Variants in NKAIN2 observed in about 807,000 individuals in gnomAD.
NKAIN2 encodes sodium/potassium-transporting ATPase subunit beta-1-interacting protein 2.
In NKAIN2, 14 loss-of-function variants were observed where a neutral mutation model predicts 32.6. That is an observed-to-expected ratio of 0.43 (90% confidence interval 0.28 to 0.67). The LOEUF is 0.67. Among genes scored for constraint, NKAIN2 ranks in the 30% least tolerant of loss-of-function variants. The pLI is 0.17. For missense variants in NKAIN2, 198 were observed against 258.3 expected (o/e 0.77, Z 1.60); for synonymous variants, 80 against 87.2 (o/e 0.92, Z 0.46).
At chr6:124,251,997 C>A (rs1793708702) in intron 1 of NKAIN2, among the ~76,000 whole-genome samples, 1 of 151,916 alleles carries the variant, frequency 6.6e-6, no homozygotes, top group South Asian at 2.1e-4. Context: ...CTATATATTA[C>A]ATGTATTGAA....
intron 1 of NKAIN2, among the ~76,000 whole-genome samples, chr6:123,974,212 G>A (rs969852083): frequency 3.3e-5 from 5 of 152,152 alleles, no homozygotes; most frequent in African/African-American, 1.2e-4. Context: ...ATAGCCACCT[G>A]AGGTGTGTGC....
At chr6:124,702,408 G>A (rs933974588) in intron 4 of NKAIN2, among the ~76,000 whole-genome samples, 2 of 152,082 alleles carry the variant, frequency 1.3e-5, no homozygotes, top group Non-Finnish European at 2.9e-5. Flanking sequence ...TGATGAGTAA[G>A]CATTGTGAAT....
chr6:124,188,904 C>A (rs1789879605), intron 1 of NKAIN2, among the ~76,000 whole-genome samples: 1 of 152,096 alleles, frequency 6.6e-6, no homozygotes, highest in African/African-American at 2.4e-5. Flanking sequence ...ATTCTGATTC[C>A]TCCCATAACA....
chr6:124,019,729 CTT>C (rs1400975429), intron 1 of NKAIN2, among the ~76,000 whole-genome samples: 4 of 151,906 alleles, frequency 2.6e-5, no homozygotes, highest in African/African-American at 9.7e-5. Context: ...ATTATGGAAA[CTT>C]ATTTGTTTTT....
chr6:124,166,344 G>A (rs1285459672), intron 1 of NKAIN2, among the ~76,000 whole-genome samples: 49 of 152,130 alleles, frequency 3.2e-4, no homozygotes, highest in Non-Finnish European at 6.6e-4. Flanking sequence ...CATTTCCTTC[G>A]CCCACTTGTT....
At chr6:123,864,232 C>G (rs879270038) in intron 1 of NKAIN2, among the ~76,000 whole-genome samples, 1 of 152,154 alleles carries the variant, frequency 6.6e-6, no homozygotes, top group Non-Finnish European at 1.5e-5. Context: ...GAAATTGATT[C>G]TAGTGTTGTG....
intron 3 of NKAIN2, among the ~76,000 whole-genome samples, chr6:124,493,799 C>A (rs1158432013): frequency 1.3e-5 from 2 of 150,630 alleles, no homozygotes; most frequent in Non-Finnish European, 3.0e-5. Flanking sequence ...TGACACTGGC[C>A]ACTCATCTTC....
chr6:124,485,725 T>G (rs1015542187), intron 3 of NKAIN2, among the ~76,000 whole-genome samples: 1 of 152,128 alleles, frequency 6.6e-6, no homozygotes, highest in Non-Finnish European at 1.5e-5. Context: ...AATAAAGCTC[T>G]ACCAGTGTGC....
At chr6:124,318,095 T>C (rs1459141907) in intron 2 of NKAIN2, among the ~76,000 whole-genome samples, 1 of 152,082 alleles carries the variant, frequency 6.6e-6, no homozygotes, top group African/African-American at 2.4e-5. Context: ...CCATGTCTTC[T>C]GCTAAAGCCT....
chr6:124,269,111 T>A (rs1302051151), intron 1 of NKAIN2, among the ~76,000 whole-genome samples: 1 of 152,236 alleles, frequency 6.6e-6, no homozygotes, highest in African/African-American at 2.4e-5. Flanking sequence ...CTTACCATTT[T>A]GTGCCTGTAC....
intron 2 of NKAIN2, among the ~76,000 whole-genome samples, chr6:124,298,761 C>G (rs891357528): frequency 1.8e-5 from 2 of 113,916 alleles, no homozygotes; most frequent in Non-Finnish European, 3.7e-5. Context: ...AGAGAAGACC[C>G]CCCGTGTCTA....
At chr6:124,468,020 G>T (rs1191806161) in intron 3 of NKAIN2, among the ~76,000 whole-genome samples, 2 of 152,022 alleles carry the variant, frequency 1.3e-5, no homozygotes, top group African/African-American at 4.8e-5. Context: ...TTTATACTTG[G>T]TTGAAGTGAA....
intron 2 of NKAIN2, among the ~76,000 whole-genome samples, chr6:124,297,159 G>A (rs1389810136): frequency 1.3e-5 from 2 of 152,122 alleles, no homozygotes; most frequent in East Asian, 1.9e-4. Flanking sequence ...CAACATAGGG[G>A]TTAGGGATGC....
chr6:124,689,603 T>G (rs1485827432), intron 4 of NKAIN2, among the ~76,000 whole-genome samples: 1 of 152,150 alleles, frequency 6.6e-6, no homozygotes, highest in African/African-American at 2.4e-5. Flanking sequence ...ATTTTTACAT[T>G]TAAATCTTGA....
At chr6:123,833,821 G>A (rs1298271891) in intron 1 of NKAIN2, among the ~76,000 whole-genome samples, 3 of 149,878 alleles carry the variant, frequency 2.0e-5, no homozygotes, top group Non-Finnish European at 3.0e-5. Context: ...TCCACTTCCC[G>A]GGTTCAAGCA....
intron 3 of NKAIN2, among the ~76,000 whole-genome samples, chr6:124,479,324 A>G (rs1382570581): frequency 6.6e-6 from 1 of 152,200 alleles, no homozygotes; most frequent in Non-Finnish European, 1.5e-5. Flanking sequence ...CCAATGTGAG[A>G]TGTTAATAAT....
At chr6:124,771,229 T>TTA (rs1195668439) in intron 4 of NKAIN2, among the ~76,000 whole-genome samples, 15 of 152,208 alleles carry the variant, frequency 9.9e-5, no homozygotes, top group Non-Finnish European at 1.9e-4. Flanking sequence ...TGGATATGTC[T>TTA]TATTTAGTTT....
chr6:124,365,378 G>A (rs925400968), intron 3 of NKAIN2, among the ~76,000 whole-genome samples: 16 of 151,906 alleles, frequency 1.1e-4, no homozygotes, highest in African/African-American at 3.9e-4. Context: ...TTGTAGATTT[G>A]TGATGTAGTA....
At chr6:124,239,648 G>A (rs1392352953) in intron 1 of NKAIN2, among the ~76,000 whole-genome samples, 1 of 152,098 alleles carries the variant, frequency 6.6e-6, no homozygotes, top group African/African-American at 2.4e-5. Flanking sequence ...AATGACTACT[G>A]GGTAAATAAT....
Sources: allele counts gnomAD v4.1 joint callset (sites outside exome capture counted in the v4.1 genomes callset), GRCh38; gene constraint gnomAD v4.1.1; transcripts MANE v1.5; gene names NCBI Gene and HGNC (gene_info 2026-07-23, HGNC 2026-07-21).